Variants in FAM3B observed in about 807,000 individuals in gnomAD.
The protein encoded by FAM3B is protein FAM3B.
In FAM3B, 29 loss-of-function variants were observed where a neutral mutation model predicts 28.4. The observed-to-expected ratio is 1.02, with a 90% CI of 0.76 to 1.39. The LOEUF (loss-of-function observed/expected upper bound fraction) is 1.39. FAM3B is among the 40% of genes most tolerant of loss of function. The pLI, the probability that FAM3B is intolerant of heterozygous loss-of-function variation, is 0.00. For synonymous variants in FAM3B, 91 were observed against 103.0 expected (o/e 0.88, Z 0.71); for missense variants, 266 against 293.9 (o/e 0.91, Z 0.69).
At chr21:41,340,152 CTTTTT>C (rs954999865) in intron 3 of FAM3B, among the ~76,000 whole-genome samples, 1 of 127,150 alleles carries the variant, frequency 7.9e-6, no homozygotes. Flanking sequence ...CTGAAGTTGT[CTTTTT>C]TTTTTTTTTT....
At chr21:41,339,600 A>C (rs1190123101) in intron 3 of FAM3B, among the ~76,000 whole-genome samples, 2 of 152,040 alleles carry the variant, frequency 1.3e-5, no homozygotes, top group East Asian at 3.9e-4. Context: ...TTACATTTTA[A>C]CTCTTCCCTT....
chr21:41,325,014 A>G (rs1032268790), intron 2 of FAM3B, among the ~76,000 whole-genome samples: 1 of 152,228 alleles, frequency 6.6e-6, no homozygotes, highest in Non-Finnish European at 1.5e-5. Context: ...AGGCAGGAGA[A>G]TAGCTTGAAC....
chr21:41,315,808 G>GACAAT (rs2088744396), upstream of FAM3B, among the ~76,000 whole-genome samples: 1 of 152,188 alleles, frequency 6.6e-6, no homozygotes, highest in Admixed American at 6.6e-5. Flanking sequence ...CAATGGTGGA[G>GACAAT]GGAGACTCAG....
At chr21:41,353,447 A>G (rs2089138782) in intron 7 of FAM3B, among the ~76,000 whole-genome samples, 1 of 152,254 alleles carries the variant, frequency 6.6e-6, no homozygotes, top group Non-Finnish European at 1.5e-5. Flanking sequence ...ACTCTGGCAT[A>G]AAGATGGGCA....
chr21:41,326,324 C>T lies in FAM3B; in HGVS notation c.163+3258C>T, dbSNP rs569444553. 8.5e-5 allele frequency among the ~76,000 whole-genome samples: 13 copies of T among 152,290 alleles called. No homozygotes were observed. The South Asian group carries it at 1.5e-3, about 17-fold the overall frequency. ...GGTGACACATTGTGCTTCTGGGAAA[C>T]GGATGGGGGACTCAGAAAGCTACTG... is the stretch of plus-strand genomic sequence containing the variant. On this transcript the variant is annotated intron_variant, in intron 2 of 7. Transcript: ENST00000357985. The surrounding 1 kb of genome is among the most constrained non-coding windows in gnomAD (Gnocchi z 4.0).
At chr21:41,308,761 A>G (rs2088695228) in intron 1 of FAM3B, among the ~76,000 whole-genome samples, 1 of 150,824 alleles carries the variant, frequency 6.6e-6, no homozygotes, top group African/African-American at 2.4e-5. Context: ...CTAGTCTCGA[A>G]CTCCTGACCT....
chr21:41,315,293 G>T (rs978198254), upstream of FAM3B, among the ~76,000 whole-genome samples: 1 of 152,130 alleles, frequency 6.6e-6, no homozygotes, highest in East Asian at 1.9e-4. Flanking sequence ...AGGGTAAATG[G>T]TGAGTTGTGC....
rs750708818 is a variant in FAM3B at position 41,322,815 on chromosome 21, TC to T, written c.20-104del. ...CAGGAGCACAGTGCCTATAGCGCAGTCCCCTGACACTGGGCCGGGATGAAAA... is the reference window on the plus strand; with the variant it reads ...CAGGAGCACAGTGCCTATAGCGCAGTCCCTGACACTGGGCCGGGATGAAAA... On this transcript the variant is annotated intron_variant, in intron 1 of 7. Coordinates refer to ENST00000357985, the MANE Select transcript of FAM3B (RefSeq NM_058186.4). 5 of 1,559,750 alleles carry T rather than the reference TC, an allele frequency of 3.2e-6. No individual in the cohort carries two copies. The African/African-American group carries it at 6.8e-5, about 21-fold the overall frequency.
At chr21:41,322,143 A>C (rs2088812324) in intron 1 of FAM3B, among the ~76,000 whole-genome samples, 1 of 152,050 alleles carries the variant, frequency 6.6e-6, no homozygotes, top group East Asian at 1.9e-4. Context: ...TAGGGAGCAA[A>C]CTCTAAAAGC....
At chr21:41,330,045 TTATAAATTAAACTA>T (rs2088890380) in intron 2 of FAM3B, among the ~76,000 whole-genome samples, 1 of 152,090 alleles carries the variant, frequency 6.6e-6, no homozygotes, top group South Asian at 2.1e-4. Context: ...TCCAACTAAT[TTATAAATTAAACTA>T]TATTGTTAAT....
chr21:41,335,868 T>C (rs1265083191), intron 2 of FAM3B, among the ~76,000 whole-genome samples: 2 of 152,198 alleles, frequency 1.3e-5, no homozygotes, highest in Non-Finnish European at 2.9e-5. Context: ...AGAATGGATA[T>C]TTTGTTGCTG....
At chr21:41,335,541 G>A (rs539159847) in intron 2 of FAM3B, among the ~76,000 whole-genome samples, 18 of 152,210 alleles carry the variant, frequency 1.2e-4, no homozygotes, top group Middle Eastern at 3.4e-3. Flanking sequence ...CCATGCTCCC[G>A]CTTTGCCTTC....
chr21:41,317,042 C>T (rs530397031), intron 1 of FAM3B, 144 bp downstream of exon 1: 24 of 743,212 alleles, frequency 3.2e-5, no homozygotes, highest in Non-Finnish European at 4.3e-5. Context: ...TGGTCTTAGA[C>T]CTGGGATCAG....
chr21:41,334,926 A>C (rs2088940473), intron 2 of FAM3B, among the ~76,000 whole-genome samples: 1 of 152,164 alleles, frequency 6.6e-6, no homozygotes, highest in African/African-American at 2.4e-5. Context: ...CCCTCACACC[A>C]GTGTATGCTG....
At chr21:41,351,395 A>G (rs2089119416) in intron 7 of FAM3B, among the ~76,000 whole-genome samples, 1 of 152,222 alleles carries the variant, frequency 6.6e-6, no homozygotes, top group Non-Finnish European at 1.5e-5. Flanking sequence ...CTACAGGAGT[A>G]TAAAGACGAG....
upstream of FAM3B, among the ~76,000 whole-genome samples, chr21:41,312,433 T>C (rs2088720377): frequency 6.6e-6 from 1 of 152,204 alleles, no homozygotes; most frequent in Non-Finnish European, 1.5e-5. Context: ...AGCTGTTGTC[T>C]TTGTATTAAG....
Position 41,356,160 on chromosome 21 carries a change from C to T in FAM3B, c.619-948C>T, listed in dbSNP as rs952805228. 2.0e-5 allele frequency among the ~76,000 whole-genome samples: 3 copies of T among 151,696 alleles called. 1 individual carries two copies. Among genetic ancestry groups the T allele is most frequent in the South Asian group, 4.2e-4 (2 of 4,812 alleles). ...ATATGGTAGCTACTAGCTAAATTTA[C>T]ATTTTATACTTAAATTTATTAAAAT... On this transcript the variant is annotated intron_variant, in intron 7 of 7. Transcript: ENST00000357985.
At chr21:41,313,741 G>A (rs1174604457), upstream of FAM3B, among the ~76,000 whole-genome samples, 1 of 151,896 alleles carries the variant, frequency 6.6e-6, no homozygotes, top group Non-Finnish European at 1.5e-5. Flanking sequence ...TCATCATACA[G>A]TATGTATGCA....
intron 1 of FAM3B, among the ~76,000 whole-genome samples, chr21:41,307,713 G>T (rs532301684): frequency 6.6e-6 from 1 of 152,320 alleles, no homozygotes; most frequent in African/African-American, 2.4e-5. Flanking sequence ...GGAATAGCTG[G>T]TTAATGGAGC....
Sources: gnomAD v4.1 joint callset for allele counts (sites outside exome capture counted in the v4.1 genomes callset) on GRCh38, gnomAD v4.1.1 for gene constraint, Gnocchi (gnomAD v3.1) non-coding constraint, MANE v1.5 for transcripts, NCBI Gene and HGNC (gene_info 2026-07-23, HGNC 2026-07-21) for gene names.